The following RNASEH2B variants were observed in gnomAD, a reference collection of about 807,000 sequenced individuals.
RNASEH2B encodes Aicardi-Goutieres syndrome 2 protein.
In RNASEH2B, 36 loss-of-function variants were observed where a neutral mutation model predicts 45.0. The ratio of observed to expected loss-of-function variants is 0.80; its 90% CI spans 0.61 to 1.06. The LOEUF (loss-of-function observed/expected upper bound fraction) is 1.06, where lower values mean the gene tolerates loss of function less well. RNASEH2B is among the 50% of genes least tolerant of loss of function. The pLI, the probability that RNASEH2B is intolerant of heterozygous loss-of-function variation, is 0.00. For synonymous variants in RNASEH2B, 119 were observed against 125.7 expected (o/e 0.95, Z 0.35); for missense variants, 361 against 360.3 (o/e 1.00, Z -0.02).
chr13:50,910,777 G>A (rs1009464548), intron 1 of RNASEH2B: 8 of 152,224 alleles, frequency 5.3e-5, no homozygotes, highest in African/African-American at 1.9e-4. Context: ...TGCCACACAA[G>A]GAAGGACCGA....
intron 8 of RNASEH2B, 60 bp downstream of exon 8, chr13:50,948,128 A>C: frequency 1.2e-6 from 2 of 1,601,140 alleles, no homozygotes; most frequent in Non-Finnish European, 1.7e-6. Context: ...TTTCCCCAGC[A>C]GTGGGGTTTC....
chr13:50,930,856 C>T, intron 4 of RNASEH2B, 97 bp downstream of exon 4: 1 of 931,814 alleles, frequency 1.1e-6, no homozygotes, highest in Non-Finnish European at 1.8e-6. Flanking sequence ...AAGGTGGATT[C>T]TACCTTCAGA....
chr13:50,930,782 C>T, intron 4 of RNASEH2B, 23 bp downstream of exon 4: 3 of 1,550,322 alleles, frequency 1.9e-6, no homozygotes, highest in Non-Finnish European at 2.7e-6. Flanking sequence ...CTCGGAGCAT[C>T]CACAGTGAGG....
chr13:50,956,430 A>G lies in RNASEH2B; in HGVS notation c.895A>G (p.Thr299Ala), dbSNP rs370507842. 3.2e-4 allele frequency: 513 copies of G among 1,600,600 alleles called. 6 individuals carry two copies. In the South Asian group the frequency reaches 5.4e-3, roughly 17 times the overall value. Residue 299 changes from threonine (T) to alanine (A), a missense_variant, in exon 11 of 11, where the codon ACC becomes GCC. Transcript: ENST00000336617. ...VDKSGMKSID[T>A]FFGVKNKKKI... ...CAAGAGTGGAATGAAAAGTATTGAT[A>G]CCTTTTTTGGGGTAAAAAATAAAAA...
At position 50,933,741 on chromosome 13, in the gene RNASEH2B, A is replaced by G. The variant is rs1951711812; in HGVS notation, c.322-1144A>G. ...TTATATCATGATTGTATGGTAGTCC[A>G]TTACATATAAATATTGTTTTAGAGT... On this transcript the variant is annotated intron_variant, in intron 4 of 10. Coordinates refer to ENST00000336617, the MANE Select transcript of RNASEH2B (RefSeq NM_024570.4). Among the ~76,000 whole-genome samples the G allele has an allele frequency of 2.0e-5, 3 of 152,246 alleles. No individual in the cohort carries two copies. In the South Asian group the frequency reaches 6.2e-4, roughly 31 times the overall value.
At chr13:50,940,561 G>C (rs545196704) in intron 5 of RNASEH2B, among the ~76,000 whole-genome samples, 6 of 152,330 alleles carry the variant, frequency 3.9e-5, no homozygotes, top group African/African-American at 1.4e-4. Context: ...TGGAGAGATG[G>C]AATGTGGGAG....
At chr13:50,922,150 A>G (rs1951532104) in intron 1 of RNASEH2B, among the ~76,000 whole-genome samples, 1 of 152,176 alleles carries the variant, frequency 6.6e-6, no homozygotes, top group Non-Finnish European at 1.5e-5. Context: ...TCTTCAGGGT[A>G]TTTGTCAAAA....
At chr13:50,914,330 G>C (rs1484460974) in intron 1 of RNASEH2B, among the ~76,000 whole-genome samples, 3 of 152,166 alleles carry the variant, frequency 2.0e-5, no homozygotes, top group Admixed American at 2.0e-4. Context: ...ATATACGTGA[G>C]GGCCGAAAGC....
chr13:50,928,945 T>TC (rs1951640020), intron 2 of RNASEH2B, among the ~76,000 whole-genome samples: 1 of 150,838 alleles, frequency 6.6e-6, no homozygotes, highest in Admixed American at 6.6e-5. Context: ...TTTTTTTTTT[T>TC]TTTTTTTTTT....
chr13:50,947,447 C>A (rs905441806), intron 7 of RNASEH2B, among the ~76,000 whole-genome samples: 3 of 147,836 alleles, frequency 2.0e-5, no homozygotes, highest in Non-Finnish European at 4.5e-5. Flanking sequence ...GTATATAGAA[C>A]AATATGTATG....
rs905750862 is a variant in RNASEH2B at position 50,956,722 on chromosome 13, A to T, written c.*248A>T. On this transcript the variant is annotated 3_prime_UTR_variant, in exon 11 of 11. Transcript: ENST00000336617. Reference sequence around the variant, plus strand: ...GTAATCACTTGAAGAGAATTAACATATAGCATCATGATTTTCTCAATAAAC... The same window carrying T: ...GTAATCACTTGAAGAGAATTAACATTTAGCATCATGATTTTCTCAATAAAC... 1.6e-6 allele frequency: 2 copies of T among 1,219,934 alleles called. No homozygotes were observed. Among genetic ancestry groups the T allele is most frequent in the Admixed American group, 7.3e-5 (2 of 27,350 alleles). 75.6% of individuals were successfully genotyped at this position (1,219,934 alleles called of 1,614,324 possible). A position where few individuals can be genotyped will look rare whatever the true frequency, so the allele number is the denominator to read the frequency against.
intron 6 of RNASEH2B, among the ~76,000 whole-genome samples, chr13:50,944,517 C>G (rs1410554951): frequency 6.6e-6 from 1 of 152,012 alleles, no homozygotes; most frequent in Non-Finnish European, 1.5e-5. Context: ...GGCTTAAAAC[C>G]TAGATGATGG....
At chr13:50,943,532 A>C in intron 6 of RNASEH2B, 138 bp downstream of exon 6, 1 of 693,742 alleles carries the variant, frequency 1.4e-6, no homozygotes, top group Non-Finnish European at 2.6e-6. Context: ...AGAGATACCA[A>C]GTATGAGAAG....
At chr13:50,956,183 T>C (rs1952045049) in intron 10 of RNASEH2B, 175 bp from the exon 11 acceptor site, 1 of 581,650 alleles carries the variant, frequency 1.7e-6, no homozygotes, top group Non-Finnish European at 3.1e-6. Context: ...ATTCTGTCTC[T>C]TAGGTCTGAA....
chr13:50,946,571 A>G (rs74818590), intron 7 of RNASEH2B, among the ~76,000 whole-genome samples: 1,851 of 152,258 alleles, frequency 0.012, 33 homozygotes, highest in African/African-American at 0.043. Context: ...AGATGCATCC[A>G]TGGATGGATG....
chr13:50,922,897 A>C (rs779841976), intron 1 of RNASEH2B, among the ~76,000 whole-genome samples: 3 of 152,240 alleles, frequency 2.0e-5, no homozygotes, highest in Admixed American at 6.5e-5. Context: ...TACTATCAAC[A>C]TAGTCAAAGA....
Position 50,943,332 on chromosome 13 carries a change from A to G in RNASEH2B, c.448A>G (p.Ile150Val), listed in dbSNP as rs1593470380. The G allele has an allele frequency of 3.8e-6, 6 of 1,592,682 alleles. No homozygotes were observed. The highest frequency in any genetic ancestry group is 5.2e-6 in the Non-Finnish European group (6 of 1,161,588). ...HVTEEKGNPE[I>V]DNKKYYKYSK... Reference sequence around the variant, plus strand: ...TTTTTTCTTTTAAGGTAATCCAGAAATAGACAACAAGAAATATTACAAGTA... The same window carrying G: ...TTTTTTCTTTTAAGGTAATCCAGAAGTAGACAACAAGAAATATTACAAGTA... The change falls in exon 6 of 11, where the codon ATA becomes GTA. Residue 150 changes from isoleucine to valine, a missense_variant. Transcript: ENST00000336617.
intron 2 of RNASEH2B, 63 bp downstream of exon 2, chr13:50,927,541 T>C: frequency 2.9e-6 from 3 of 1,032,838 alleles, no homozygotes; most frequent in East Asian, 2.4e-5. Flanking sequence ...ATATACACTT[T>C]TATGTCTTTG....
At chr13:50,937,771 A>G (rs1468514684) in intron 5 of RNASEH2B, 1 of 152,252 alleles carries the variant, frequency 6.6e-6, no homozygotes, top group African/African-American at 2.4e-5. Context: ...GATATATATT[A>G]TCAGCAAATG....
Sources: gnomAD v4.1 joint callset for allele counts (sites outside exome capture counted in the v4.1 genomes callset) on GRCh38, gnomAD v4.1.1 for gene constraint, MANE v1.5 for transcripts, NCBI Gene and HGNC (gene_info 2026-07-23, HGNC 2026-07-21) for gene names.